Variants in AASDHPPT observed in about 807,000 individuals in gnomAD.
AASDHPPT encodes the protein L-aminoadipate-semialdehyde dehydrogenase-phosphopantetheinyl transferase.
In AASDHPPT, 23 loss-of-function variants were observed where a neutral mutation model predicts 36.4. The observed-to-expected ratio is 0.63, with a 90% CI of 0.45 to 0.89. AASDHPPT has a LOEUF of 0.89. Ranked by LOEUF, AASDHPPT falls within the 40% of genes least tolerant of loss-of-function variation. The pLI is 0.00. For missense variants in AASDHPPT, 377 were observed against 378.2 expected, an observed-to-expected ratio of 1.00 and a Z score of 0.03; for synonymous variants, 115 against 128.0, an observed-to-expected ratio of 0.90 and a Z score of 0.68.
chr11:106,079,233 G>A (rs903875788), intron 1 of AASDHPPT, among the ~76,000 whole-genome samples: 3 of 152,178 alleles, frequency 2.0e-5, no homozygotes, highest in African/African-American at 7.2e-5. Context: ...CTGACAGGAT[G>A]CCAGCTGTTA....
chr11:106,082,051 T>C (rs1861148887), intron 2 of AASDHPPT, among the ~76,000 whole-genome samples: 1 of 152,096 alleles, frequency 6.6e-6, no homozygotes, highest in Non-Finnish European at 1.5e-5. Flanking sequence ...GAAAGACAAT[T>C]GAGCAAAAAT....
At chr11:106,080,155 C>T (rs1861120806) in intron 2 of AASDHPPT, among the ~76,000 whole-genome samples, 1 of 151,968 alleles carries the variant, frequency 6.6e-6, no homozygotes, top group Admixed American at 6.6e-5. Context: ...AGTAGTTGGC[C>T]CTCTGTCCCC....
At chr11:106,078,415 T>TA (rs1228751719) in intron 1 of AASDHPPT, among the ~76,000 whole-genome samples, 1 of 152,206 alleles carries the variant, frequency 6.6e-6, no homozygotes, top group African/African-American at 2.4e-5. Flanking sequence ...CCAGAGAGGA[T>TA]ACCTTCCTCA....
chr11:106,079,758 T>C, intron 2 of AASDHPPT, 66 bp downstream of exon 2: 1 of 1,365,516 alleles, frequency 7.3e-7, no homozygotes, highest in Non-Finnish European at 1.0e-6. Flanking sequence ...TGCTATTGAG[T>C]AATCTCAGGC....
At chr11:106,079,250 G>T (rs1211700398) in intron 1 of AASDHPPT, among the ~76,000 whole-genome samples, 2 of 152,114 alleles carry the variant, frequency 1.3e-5, no homozygotes, top group African/African-American at 2.4e-5. Flanking sequence ...GTTAACTTTG[G>T]TCACTAGCAA....
At chr11:106,079,355 A>G (rs1861105608) in intron 1 of AASDHPPT, 112 bp from the exon 2 acceptor site, 1 of 887,740 alleles carries the variant, frequency 1.1e-6, no homozygotes, top group Non-Finnish European at 1.7e-6. Flanking sequence ...AAGTATTTTG[A>G]AAAGTTTTAA....
chr11:106,094,698 A>G (rs750420256), intron 5 of AASDHPPT, 44 bp downstream of exon 5: 8 of 1,458,154 alleles, frequency 5.5e-6, no homozygotes, highest in Middle Eastern at 1.8e-4. Flanking sequence ...GCATGAATCA[A>G]TGTTAAGTTT....
chr11:106,096,875 G>C lies in AASDHPPT; in HGVS notation c.898G>C (p.Glu300Gln). Residue 300 changes from glutamate to glutamine, a missense_variant, in exon 6 of 6, where the codon GAA becomes CAA. Coordinates refer to ENST00000278618, the MANE Select transcript of AASDHPPT (RefSeq NM_015423.3). ...SFWDCFCFTE[E>Q]IPIRNGTKS ...TTGGGACTGTTTTTGCTTCACAGAA[G>C]AAATTCCAATACGAAATGGTACAAA... The C allele has an allele frequency of 6.2e-7, 1 of 1,609,818 alleles. No individual in the cohort carries two copies. Among genetic ancestry groups the C allele is most frequent in the Non-Finnish European group, 8.5e-7 (1 of 1,178,476 alleles).
intron 1 of AASDHPPT, 120 bp from the exon 2 acceptor site, chr11:106,079,347 G>A (rs1861105444): frequency 1.4e-5 from 11 of 804,832 alleles, no homozygotes; most frequent in East Asian, 2.8e-5. Flanking sequence ...TAATACTTAA[G>A]TATTTTGAAA....
At chr11:106,091,210 C>A in intron 3 of AASDHPPT, 106 bp from the exon 4 acceptor site, 1 of 924,490 alleles carries the variant, frequency 1.1e-6, no homozygotes, top group Non-Finnish European at 1.6e-6. Context: ...AGCTATATAG[C>A]CATAATGTAG....
chr11:106,077,984 G>T, intron 1 of AASDHPPT, 91 bp downstream of exon 1: 2 of 1,454,106 alleles, frequency 1.4e-6, no homozygotes, highest in South Asian at 1.3e-5. Flanking sequence ...TCCCGCGCTG[G>T]CCGCGACCCT....
chr11:106,090,541 A>G lies in AASDHPPT; in HGVS notation c.410-16A>G. 1.3e-6 allele frequency: 2 copies of G among 1,556,652 alleles called. No homozygotes were observed. The highest frequency in any genetic ancestry group is 1.8e-4 in the Middle Eastern group (1 of 5,630). On this transcript the variant is annotated splice_polypyrimidine_tract_variant and intron_variant, in intron 2 of 5. Coordinates refer to ENST00000278618, the MANE Select transcript of AASDHPPT (RefSeq NM_015423.3). ...TAATAGAACTGCTATTTAATTTTTT[A>G]TTTCTTAATTGGCAGGTCGTGGTTC...
At chr11:106,091,286 T>G (rs933987047) in intron 3 of AASDHPPT, 30 bp from the exon 4 acceptor site, 2 of 1,561,704 alleles carry the variant, frequency 1.3e-6, no homozygotes, top group Non-Finnish European at 1.7e-6. Context: ...TCCACCAAAT[T>G]CTAAGAGAAA....
At chr11:106,090,511 T>A in intron 2 of AASDHPPT, 46 bp from the exon 3 acceptor site, 2 of 1,493,048 alleles carry the variant, frequency 1.3e-6, no homozygotes, top group Non-Finnish European at 1.8e-6. Flanking sequence ...CAACTTTTTA[T>A]TTTTTAATAG....
chr11:106,081,798 A>G (rs1322320247), intron 2 of AASDHPPT, among the ~76,000 whole-genome samples: 2 of 151,982 alleles, frequency 1.3e-5, no homozygotes, highest in Admixed American at 1.3e-4. Context: ...CATAGATGGG[A>G]ATTGAACAAT....
In AASDHPPT at chr11:106,088,343, A is replaced by G. The variant is rs531805564; in HGVS notation, c.410-2214A>G. 1.7e-3 allele frequency among the ~76,000 whole-genome samples: 257 copies of G among 152,150 alleles called. 1 individual carries two copies. The highest frequency in any genetic ancestry group is 2.7e-3 in the Non-Finnish European group (183 of 67,966). The stretch of plus-strand genomic sequence containing the variant: ...AAAAATAAAATTTGAAGAAAGCAGC[A>G]AGCAGAATGACACTATAGATGACAA... On this transcript the variant is annotated intron_variant, in intron 2 of 5. Transcript: ENST00000278618.
chr11:106,079,964 A>T (rs1861117525), intron 2 of AASDHPPT, among the ~76,000 whole-genome samples: 1 of 152,190 alleles, frequency 6.6e-6, no homozygotes, highest in Non-Finnish European at 1.5e-5. Context: ...TTTTTTTTGA[A>T]TTATACTTCA....
At chr11:106,080,129 CAT>C (rs1476240758) in intron 2 of AASDHPPT, among the ~76,000 whole-genome samples, 6 of 152,256 alleles carry the variant, frequency 3.9e-5, no homozygotes, top group African/African-American at 1.2e-4. Flanking sequence ...TGGGTCTACT[CAT>C]GTGAATTTTT....
rs567378341 is a variant in AASDHPPT at position 106,095,081 on chromosome 11, G to A, written c.765+427G>A. 3.1e-4 allele frequency among the ~76,000 whole-genome samples: 47 copies of A among 152,040 alleles called. 1 individual carries two copies. The highest frequency in any genetic ancestry group is 1.0e-3 in the African/African-American group (43 of 41,476). On this transcript the variant is annotated intron_variant, in intron 5 of 5. Transcript: ENST00000278618. ...GTGGAGGTTGCAGTGCACCAAGATC[G>A]CACCATTGCACTCCAGCCTGGGAAA...
Sources: gnomAD v4.1 joint callset for allele counts (sites outside exome capture counted in the v4.1 genomes callset) on GRCh38, gnomAD v4.1.1 for gene constraint, MANE v1.5 for transcripts, NCBI Gene and HGNC (gene_info 2026-07-23, HGNC 2026-07-21) for gene names.